RHBG: variants seen among roughly 807,000 people sequenced by gnomAD.
RHBG encodes ammonium transporter Rh type B.
In RHBG, 39 loss-of-function variants were observed where a neutral mutation model predicts 40.1. The observed-to-expected ratio is 0.97, with a 90% CI of 0.75 to 1.27. The LOEUF (loss-of-function observed/expected upper bound fraction) is 1.27. Ranked by LOEUF, RHBG falls within the 50% of genes most tolerant of loss-of-function variation. The probability of loss-of-function intolerance (pLI) is 0.00; values close to 1 mark genes in which losing one functional copy is unlikely to be tolerated. For missense variants in RHBG, 549 were observed against 588.1 expected, an observed-to-expected ratio of 0.93 and a Z score of 0.69; for synonymous variants, 237 against 252.5, an observed-to-expected ratio of 0.94 and a Z score of 0.58.
chr1:156,382,727 C>T (rs764362102), intron 7 of RHBG, 21 bp from the exon 8 acceptor site: 5 of 1,613,688 alleles, frequency 3.1e-6, no homozygotes, highest in African/African-American at 2.7e-5. Context: ...CCTGCCTTTC[C>T]TCTATCTGGT....
In RHBG at chr1:156,385,024, T is replaced by C. The variant is rs1338590018; in HGVS notation, c.*179T>C. 1.2e-5 allele frequency: 7 copies of C among 568,838 alleles called. No individual in the cohort carries two copies. The South Asian group carries it at 1.3e-4, about 11-fold the overall frequency. The allele number at this position is 568,838 out of a possible 1,614,324, so 35.2% of individuals were successfully genotyped here. A position where few individuals can be genotyped will look rare whatever the true frequency, so the allele number is the denominator to read the frequency against. On this transcript the variant is annotated 3_prime_UTR_variant, in exon 10 of 10. Transcript: ENST00000537040. ...AGAGGGGCAACAGGAGGCTGGGAAA[T>C]GGTGGGGAGTGGGGCCGTAACTGGG... is the stretch of plus-strand genomic sequence containing the variant.
chr1:156,381,274 G>T, intron 4 of RHBG, 73 bp from the exon 5 acceptor site: 1 of 1,493,454 alleles, frequency 6.7e-7, no homozygotes, highest in Non-Finnish European at 9.3e-7. Context: ...TGATTTGCCT[G>T]CAGTTATACA....
chr1:156,382,755 A>C lies in RHBG; in HGVS notation c.1120A>C (p.Ser374Arg). Reference sequence around the variant, plus strand: ...TATCTGGTCTCCCTGCAGCCTGGAGAGTGTGTTTCCACTCATAGCCGAGGG... The same window carrying C: ...TATCTGGTCTCCCTGCAGCCTGGAGCGTGTGTTTCCACTCATAGCCGAGGG... ...THEAYGDGLE[S>R]VFPLIAEGQR... The change falls in exon 8 of 10, where the codon AGT becomes CGT. Residue 374 changes from serine to arginine, a missense_variant. This residue lies in a region of RHBG where 399 missense variants were observed against 417.0 expected (regional missense o/e 0.96). Coordinates refer to ENST00000537040, the MANE Select transcript of RHBG (RefSeq NM_020407.5). 1 of 1,613,902 alleles carries C rather than the reference A, an allele frequency of 6.2e-7. No individual in the cohort carries two copies. The highest frequency in any genetic ancestry group is 8.5e-7 in the Non-Finnish European group (1 of 1,179,964).
At chr1:156,373,901 C>T (rs2842854) in intron 1 of RHBG, among the ~76,000 whole-genome samples, 54,593 of 152,022 alleles carry the variant, frequency 0.36, 10,680 homozygotes, top group Non-Finnish European at 0.45. Flanking sequence ...AGTGATGCCT[C>T]TCCCTTTCTG....
chr1:156,376,228 C>T (rs945156468), intron 1 of RHBG, among the ~76,000 whole-genome samples: 1 of 152,118 alleles, frequency 6.6e-6, no homozygotes, highest in African/African-American at 2.4e-5. Context: ...AATCATCCTT[C>T]CCAGAGTCAC....
intron 4 of RHBG, 42 bp from the exon 5 acceptor site, chr1:156,381,305 T>C (rs751995982): frequency 1.2e-6 from 2 of 1,605,718 alleles, no homozygotes; most frequent in African/African-American, 2.7e-5. Flanking sequence ...TGCGTGGGAG[T>C]CACTTCCTTC....
At chr1:156,371,165 T>C (rs1181755678) in intron 1 of RHBG, 2 of 151,792 alleles carry the variant, frequency 1.3e-5, no homozygotes, top group African/African-American at 3.3e-5. Context: ...ATTTTCTTTC[T>C]TTTTTTTTTT....
At chr1:156,383,799 T>A (rs1425561707) in intron 8 of RHBG, among the ~76,000 whole-genome samples, 1 of 151,132 alleles carries the variant, frequency 6.6e-6, no homozygotes. Flanking sequence ...AGTGCTGGGA[T>A]TACAGGCGTG....
intron 1 of RHBG, among the ~76,000 whole-genome samples, chr1:156,374,926 G>A (rs185372857): frequency 1.4e-4 from 22 of 152,194 alleles, no homozygotes; most frequent in African/African-American, 5.3e-4. Context: ...GTATTCCACT[G>A]TGTATATGTA....
rs1571024725 is a variant in RHBG at position 156,384,270 on chromosome 1, GTTTC to G, written c.1235-253_1235-250del. On this transcript the variant is annotated intron_variant, in intron 8 of 9. Coordinates refer to ENST00000537040, the MANE Select transcript of RHBG (RefSeq NM_020407.5). ...AAATTATTTAACTTCTCTGAGTCTT[GTTTC>G]TTTGTTTGTAATACAGGAATAATAT... The G allele has an allele frequency of 1.1e-4, 61 of 574,262 alleles. No individual in the cohort carries two copies. The East Asian group carries it at 1.8e-3, about 17-fold the overall frequency. The allele number at this position is 574,262 out of a possible 1,614,324, so 35.6% of individuals were successfully genotyped here.
intron 1 of RHBG, among the ~76,000 whole-genome samples, chr1:156,375,999 G>A (rs1286667670): frequency 1.3e-5 from 2 of 151,996 alleles, no homozygotes; most frequent in Admixed American, 1.3e-4. Flanking sequence ...TCCCTACTCA[G>A]CCTTTAAAGC....
chr1:156,369,479 A>T, intron 1 of RHBG, 43 bp downstream of exon 1: 1 of 1,543,396 alleles, frequency 6.5e-7, no homozygotes, highest in Non-Finnish European at 8.8e-7. Context: ...AGACCCCAAG[A>T]TTTGCAAAGA....
Position 156,382,168 on chromosome 1 carries a change from C to A in RHBG, c.1079C>A (p.Ala360Asp). The stretch of plus-strand genomic sequence containing the variant: ...GGGGCCCTCCTGGGGGTCCTTGTGG[C>A]TGGACTTGCCACCCATGAAGCTTAC... ...VLGALLGVLV[A>D]GLATHEAYGD... The change falls in exon 7 of 10, where the codon GCT (alanine) becomes GAT (aspartate). Residue 360 changes from alanine to aspartate, a missense_variant. Physicochemically the swap from Ala to Asp is moderately radical, Grantham distance 126 (BLOSUM62 -2). Transcript: ENST00000537040. The A allele has an allele frequency of 6.2e-7, 1 of 1,614,150 alleles. No homozygotes were observed. The highest frequency in any genetic ancestry group is 1.3e-5 in the African/African-American group (1 of 75,024).
Position 156,378,013 on chromosome 1 carries a change from CG to C in RHBG, c.403del (p.Ala135ProfsTer42), listed in dbSNP as rs1557800726. ...AGCATGATCAATGCTGACTTTTGTG[CG>C]GGGGCCGTGCTCATCTCCTTTGGTG... ...VESMINADFC[A>X]GAVLISFGAV... On this transcript the variant is annotated frameshift_variant, in exon 3 of 10. Transcript: ENST00000537040. LOFTEE classifies it high-confidence loss of function. The C allele has an allele frequency of 6.4e-7, 1 of 1,553,576 alleles. No homozygotes were observed. Among genetic ancestry groups the C allele is most frequent in the Admixed American group, 1.9e-5 (1 of 53,584 alleles).
Position 156,384,977 on chromosome 1 carries a change from C to A in RHBG, c.*132C>A. 1.6e-6 allele frequency: 1 copy of A among 623,556 alleles called. No individual in the cohort carries two copies. Among genetic ancestry groups the A allele is most frequent in the Middle Eastern group, 2.7e-4 (1 of 3,638 alleles). The allele number at this position is 623,556 out of a possible 1,614,324, so 38.6% of individuals were successfully genotyped here. A position where few individuals can be genotyped will look rare whatever the true frequency, so the allele number is the denominator to read the frequency against. ...CATGAGCCAGAAGGAGGCCCCTTTC[C>A]ACAGGCAGCGTCTCCACAGGGAGAG... On this transcript the variant is annotated 3_prime_UTR_variant, in exon 10 of 10. Coordinates refer to ENST00000537040, the MANE Select transcript of RHBG (RefSeq NM_020407.5).
rs749699174 is a variant in RHBG at position 156,382,856 on chromosome 1, C to CG, written c.1226dup (p.Leu410ProfsTer33). Reference sequence around the variant, plus strand: ...TCACACTGATGTTTGCCTCTGTGGGCGGGGGCCTTGGAGGTGAGTAACCTT... The same window carrying CG: ...TCACACTGATGTTTGCCTCTGTGGGCGGGGGGCCTTGGAGGTGAGTAACCTT... On this transcript the variant is annotated frameshift_variant, in exon 8 of 10. Coordinates refer to ENST00000537040, the MANE Select transcript of RHBG (RefSeq NM_020407.5). LOFTEE classifies it high-confidence loss of function. 7 of 1,613,984 alleles carry CG rather than the reference C, an allele frequency of 4.3e-6. No homozygotes were observed. Among genetic ancestry groups the CG allele is most frequent in the Non-Finnish European group, 5.9e-6 (7 of 1,180,002 alleles).
chr1:156,381,351 C>G lies in RHBG; in HGVS notation c.678C>G (p.Thr226=). The change falls in exon 5 of 10, where the codon ACC becomes ACG. Residue 226 remains threonine (T), a synonymous_variant. Coordinates refer to ENST00000537040, the MANE Select transcript of RHBG (RefSeq NM_020407.5). ...YHSDLFAMIG[T]IFLWIFWPSF... is the part of the protein sequence containing the mutation. ...GCCTGTCTGTCCACCATCTAGGGAC[C>G]ATCTTCCTGTGGATCTTCTGGCCTA... The G allele has an allele frequency of 6.2e-7, 1 of 1,614,066 alleles. No homozygotes were observed. Among genetic ancestry groups the G allele is most frequent in the Non-Finnish European group, 8.5e-7 (1 of 1,180,028 alleles).
chr1:156,372,692 T>G (rs1198216324), intron 1 of RHBG, among the ~76,000 whole-genome samples: 7 of 152,162 alleles, frequency 4.6e-5, no homozygotes, highest in Admixed American at 1.3e-4. Context: ...TCCCCCTGCT[T>G]CTTCTTGATT....
At position 156,374,150 on chromosome 1, in the gene RHBG, C is replaced by T. The variant is rs540543728; in HGVS notation, c.188-3151C>T. Among the ~76,000 whole-genome samples the T allele has an allele frequency of 2.4e-4, 36 of 152,188 alleles. No homozygotes were observed. The East Asian group carries it at 4.1e-3, about 17-fold the overall frequency. Reference sequence around the variant, plus strand: ...TGGCTGCATTAGACTCTTATAGGAGCGCGAACCCTATTGCGAACTGTGCAT... The same window carrying T: ...TGGCTGCATTAGACTCTTATAGGAGTGCGAACCCTATTGCGAACTGTGCAT... On this transcript the variant is annotated intron_variant, in intron 1 of 9. Transcript: ENST00000537040.
Sources: gnomAD v4.1 joint callset for allele counts (sites outside exome capture counted in the v4.1 genomes callset) on GRCh38, gnomAD v4.1.1 for gene constraint, gnomAD v4.1.1 regional missense constraint, MANE v1.5 for transcripts, NCBI Gene and HGNC (gene_info 2026-07-23, HGNC 2026-07-21) for gene names.